ZMAT4: variants seen among roughly 807,000 people sequenced by gnomAD.
ZMAT4 encodes zinc finger matrin-type protein 4.
ZMAT4 carries 17 observed loss-of-function variants against 28.7 expected under a neutral mutation model. The ratio of observed to expected loss-of-function variants is 0.59; its 90% confidence interval spans 0.41 to 0.89. The LOEUF is 0.89. Among genes scored for constraint, ZMAT4 ranks in the 40% least tolerant of loss-of-function variants. The pLI, the probability that ZMAT4 is intolerant of heterozygous loss-of-function variation, is 0.00. For synonymous variants in ZMAT4, 117 were observed against 109.2 expected (o/e 1.07, Z -0.44); for missense variants, 240 against 283.8 (o/e 0.85, Z 1.11).
intron 2 of ZMAT4, among the ~76,000 whole-genome samples, chr8:40,816,694 G>C (rs911771509): frequency 1.3e-5 from 2 of 152,224 alleles, no homozygotes; most frequent in African/African-American, 4.8e-5. Flanking sequence ...CATGGATAGA[G>C]TTCTAGAAGA....
rs567632499 is a variant in ZMAT4 at position 40,806,793 on chromosome 8, T to C, written c.102+18782A>G. 4.0e-5 allele frequency among the ~76,000 whole-genome samples: 6 copies of C among 151,884 alleles called. No homozygotes were observed. The East Asian group carries it at 1.2e-3, about 30-fold the overall frequency. ...AGTGCAAGATTTTTGATGTGTTTTT[T>C]TAAAATCTAGAATCCCCATAGAGGA... On this transcript the variant is annotated intron_variant, in intron 2 of 6. Coordinates refer to ENST00000297737, the MANE Select transcript of ZMAT4 (RefSeq NM_024645.3).
chr8:40,846,171 C>G (rs186061423), intron 1 of ZMAT4, among the ~76,000 whole-genome samples: 18 of 152,272 alleles, frequency 1.2e-4, no homozygotes, highest in Admixed American at 2.0e-4. Context: ...CGCACCACCC[C>G]CCTCCCTACC....
chr8:40,651,534 A>T (rs1807650129), intron 5 of ZMAT4, among the ~76,000 whole-genome samples: 1 of 149,470 alleles, frequency 6.7e-6, no homozygotes, highest in East Asian at 2.0e-4. Flanking sequence ...TGCCATCCCC[A>T]TCAAGCTACC....
chr8:40,656,590 A>G (rs533624135), intron 5 of ZMAT4, among the ~76,000 whole-genome samples: 1 of 152,274 alleles, frequency 6.6e-6, no homozygotes, highest in East Asian at 1.9e-4. Context: ...ATAAAATATC[A>G]TTAAATAATA....
chr8:40,638,593 C>T (rs1678678783), intron 5 of ZMAT4, among the ~76,000 whole-genome samples: 1 of 152,168 alleles, frequency 6.6e-6, no homozygotes, highest in African/African-American at 2.4e-5. Context: ...AAGACAAGTA[C>T]CACAAGAGTG....
intron 6 of ZMAT4, among the ~76,000 whole-genome samples, chr8:40,552,064 T>C (rs1292111386): frequency 2.0e-5 from 3 of 152,204 alleles, no homozygotes; most frequent in African/African-American, 7.2e-5. Flanking sequence ...TGGCATCTAA[T>C]GCATTTTAAA....
At chr8:40,712,006 C>T (rs1383032278) in intron 3 of ZMAT4, among the ~76,000 whole-genome samples, 1 of 152,070 alleles carries the variant, frequency 6.6e-6, no homozygotes, top group Non-Finnish European at 1.5e-5. Flanking sequence ...TTAAAATGTA[C>T]CTGGTTAGCA....
chr8:40,734,131 A>G (rs1200704497), intron 3 of ZMAT4, among the ~76,000 whole-genome samples: 1 of 152,226 alleles, frequency 6.6e-6, no homozygotes, highest in Non-Finnish European at 1.5e-5. Flanking sequence ...GCAAGCTACA[A>G]GGAATGCGCT....
chr8:40,825,579 T>C lies in ZMAT4; in HGVS notation c.98A>G (p.Tyr33Cys). 1 of 1,552,214 alleles carries C rather than the reference T, an allele frequency of 6.4e-7. No individual in the cohort carries two copies. Among genetic ancestry groups the C allele is most frequent in the Non-Finnish European group, 8.7e-7 (1 of 1,147,198 alleles). ...AGTGGGAAACGCTGTCCTTACCTCG[T>C]AGTGGGCCACACGCTGCGATTCGGA... ...LISESQRVAH[Y>C]ESRKHASKVR... Residue 33 changes from tyrosine to cysteine, a missense_variant, in exon 2 of 7, where the codon TAC becomes TGC. Transcript: ENST00000297737.
chr8:40,547,669 C>T (rs895289319), intron 6 of ZMAT4, among the ~76,000 whole-genome samples: 20 of 152,070 alleles, frequency 1.3e-4, no homozygotes, highest in East Asian at 3.9e-4. Context: ...ATGTGCAGAA[C>T]GTGCAGGTTT....
At chr8:40,866,500 T>A (rs1817681178) in intron 1 of ZMAT4, among the ~76,000 whole-genome samples, 1 of 152,264 alleles carries the variant, frequency 6.6e-6, no homozygotes, top group African/African-American at 2.4e-5. Flanking sequence ...GATTTAATTT[T>A]AACTTTTCAT....
chr8:40,821,213 A>G (rs1815816730), intron 2 of ZMAT4, among the ~76,000 whole-genome samples: 1 of 152,114 alleles, frequency 6.6e-6, no homozygotes, highest in African/African-American at 2.4e-5. Flanking sequence ...TTCCCTTTGC[A>G]GGAAATTATT....
At chr8:40,802,409 C>T (rs1212739440) in intron 2 of ZMAT4, among the ~76,000 whole-genome samples, 1 of 152,048 alleles carries the variant, frequency 6.6e-6, no homozygotes, top group Non-Finnish European at 1.5e-5. Flanking sequence ...ATATAAAAGT[C>T]TATTATTTTT....
chr8:40,616,209 A>T (rs1307547067), intron 5 of ZMAT4, among the ~76,000 whole-genome samples: 5 of 152,218 alleles, frequency 3.3e-5, no homozygotes, highest in African/African-American at 1.2e-4. Flanking sequence ...ACCAGTTAGA[A>T]TGGCGATCAT....
rs575709348 is a variant in ZMAT4, at chr8:40,737,067, G to A, written c.192+30574C>T. Among the ~76,000 whole-genome samples the A allele has an allele frequency of 9.8e-5, 15 of 152,328 alleles. No individual in the cohort carries two copies. The South Asian group carries it at 3.1e-3, about 32-fold the overall frequency. ...CAGGAGGTCTGAAGGTCAACAGGCT[G>A]GGTGGTGATTGAAGCCACTGCAGCA... On this transcript the variant is annotated intron_variant, in intron 3 of 6. Coordinates refer to ENST00000297737, the MANE Select transcript of ZMAT4 (RefSeq NM_024645.3).
At chr8:40,617,891 T>A (rs1649282943) in intron 5 of ZMAT4, among the ~76,000 whole-genome samples, 1 of 152,236 alleles carries the variant, frequency 6.6e-6, no homozygotes, top group South Asian at 2.1e-4. Flanking sequence ...TTTTGCTTTT[T>A]CAAAATGAAA....
At position 40,832,322 on chromosome 8, in the gene ZMAT4, G is replaced by T. The variant is rs117825495; in HGVS notation, c.-4-6642C>A. On this transcript the variant is annotated intron_variant, in intron 1 of 6. Transcript: ENST00000297737. ...TTTCTGTGTTTGCCTGAACTGAGCTGGGATGGGCTAACATCTGCCTGGACA... is the reference window on the plus strand; with the variant it reads ...TTTCTGTGTTTGCCTGAACTGAGCTTGGATGGGCTAACATCTGCCTGGACA... 3.2e-4 allele frequency among the ~76,000 whole-genome samples: 48 copies of T among 152,252 alleles called. No individual in the cohort carries two copies. In the East Asian group the frequency reaches 8.7e-3, roughly 28 times the overall value.
At chr8:40,615,215 G>A (rs576119109) in intron 5 of ZMAT4, among the ~76,000 whole-genome samples, 2 of 151,944 alleles carry the variant, frequency 1.3e-5, no homozygotes, top group Non-Finnish European at 2.9e-5. Context: ...GAAATTCTGG[G>A]TTGAAAATTC....
intron 1 of ZMAT4, among the ~76,000 whole-genome samples, chr8:40,878,742 G>A (rs1169503927): frequency 6.6e-6 from 1 of 152,232 alleles, no homozygotes; most frequent in Non-Finnish European, 1.5e-5. Context: ...GGTGCGGCAG[G>A]TGAGAGAAAC....
Sources: allele counts gnomAD v4.1 joint callset (sites outside exome capture counted in the v4.1 genomes callset), GRCh38; gene constraint gnomAD v4.1.1; transcripts MANE v1.5; gene names NCBI Gene and HGNC (gene_info 2026-07-23, HGNC 2026-07-21).